The following SNX3 variants were observed in gnomAD, a reference collection of about 807,000 sequenced individuals.
SNX3 encodes the protein sorting nexin-3.
In SNX3, 5 loss-of-function variants were observed where a neutral mutation model predicts 17.7. The ratio of observed to expected loss-of-function variants is 0.28; its 90% confidence interval spans 0.15 to 0.59. The LOEUF (loss-of-function observed/expected upper bound fraction) is 0.59. SNX3 is among the 20% of genes least tolerant of loss of function. SNX3 has a pLI of 0.88. For missense variants in SNX3, 132 were observed against 206.8 expected (o/e 0.64, Z 2.22); for synonymous variants, 91 against 76.5 (o/e 1.19, Z -0.99).
Position 108,260,914 on chromosome 6 carries a change from TCCG to T in SNX3, c.5_7del (p.Ala2del). The T allele has an allele frequency of 6.3e-7, 1 of 1,589,976 alleles. No homozygotes were observed. Among genetic ancestry groups the T allele is most frequent in the Middle Eastern group, 1.7e-4 (1 of 5,988 alleles). ...CAGCCGCCGGGTGTCAGCCACGGTC[TCCG>T]CCATTTCGCTGTAGCTGCTGCCGCC... On this transcript the variant is annotated inframe_deletion, in exon 1 of 4. Coordinates refer to ENST00000230085, the MANE Select transcript of SNX3 (RefSeq NM_003795.6).
At chr6:108,231,596 T>C (rs1775160429) in intron 1 of SNX3, among the ~76,000 whole-genome samples, 2 of 152,252 alleles carry the variant, frequency 1.3e-5, no homozygotes, top group Admixed American at 6.5e-5. Context: ...TAATGTCAGT[T>C]TGTCCCATTA....
intron 2 of SNX3, 147 bp downstream of exon 2, chr6:108,222,803 T>TAC: frequency 1.5e-6 from 1 of 660,312 alleles, no homozygotes; most frequent in Middle Eastern, 4.0e-4. Flanking sequence ...ACACAGACTC[T>TAC]ACCTCTATAA....
Position 108,223,009 on chromosome 6 carries a change from C to G in SNX3, c.199G>C (p.Val67Leu). The G allele has an allele frequency of 6.2e-7, 1 of 1,607,518 alleles. No homozygotes were observed. The highest frequency in any genetic ancestry group is 8.5e-7 in the Non-Finnish European group (1 of 1,175,886). ...LPIFKLKEST[V>L]RRRYSDFEWL... ...TCAAAGTCACTGTATCTTCTTCTAA[C>G]AGTAGATTCTTTCAGCTTGAAAATA... Residue 67 changes from valine (V) to leucine (L), a missense_variant, in exon 2 of 4, where the codon GTT (valine) becomes CTT (leucine). Transcript: ENST00000230085.
intron 1 of SNX3, among the ~76,000 whole-genome samples, chr6:108,247,639 C>T (rs1252460156): frequency 7.9e-5 from 12 of 152,070 alleles, no homozygotes; most frequent in Non-Finnish European, 4.4e-5. Flanking sequence ...ACCTCTGCCT[C>T]CCAAAGGGCT....
chr6:108,244,656 T>TC (rs1356557972), intron 1 of SNX3, among the ~76,000 whole-genome samples: 1 of 144,468 alleles, frequency 6.9e-6, no homozygotes, highest in Non-Finnish European at 1.5e-5. Context: ...AGTTTTTTTT[T>TC]TTTTTTTTTT....
chr6:108,246,394 A>G (rs1259727563), intron 1 of SNX3, among the ~76,000 whole-genome samples: 1 of 131,306 alleles, frequency 7.6e-6, no homozygotes, highest in African/African-American at 2.9e-5. Flanking sequence ...GTGCAATCTC[A>G]GCTCACTGCA....
chr6:108,249,243 T>C (rs1450069032), intron 1 of SNX3, among the ~76,000 whole-genome samples: 1 of 152,092 alleles, frequency 6.6e-6, no homozygotes, highest in African/African-American at 2.4e-5. Context: ...ATGATGATAC[T>C]GTATGAGAAA....
chr6:108,245,304 G>A (rs919608560), intron 1 of SNX3, among the ~76,000 whole-genome samples: 20 of 152,104 alleles, frequency 1.3e-4, no homozygotes, highest in African/African-American at 4.3e-4. Flanking sequence ...TCTTTTTTAT[G>A]GCTGCATAGT....
At position 108,212,245 on chromosome 6, in the gene SNX3, A is replaced by G. The variant is rs768477079; in HGVS notation, c.393T>C (p.Gly131=). 1.0e-5 allele frequency: 16 copies of G among 1,605,268 alleles called. No homozygotes were observed. In the Admixed American group the frequency reaches 2.7e-4, roughly 27 times the overall value. The change falls in exon 4 of 4, where the codon GGT becomes GGC. Residue 131 remains glycine (G), a synonymous_variant. Transcript: ENST00000230085. ...AACGTTCGTTCTGTGCCAGAGGATG[A>G]CCAGCGACCCTGAGAATAAAAAATA... The part of the protein sequence containing the change: ...GLEQFINKVA[G]HPLAQNERCL...
At chr6:108,220,270 AC>A (rs1159436989) in intron 2 of SNX3, among the ~76,000 whole-genome samples, 1 of 129,576 alleles carries the variant, frequency 7.7e-6, no homozygotes, top group Non-Finnish European at 1.8e-5. Flanking sequence ...CTCGCCACAT[AC>A]TAACTGACTC....
At chr6:108,241,984 T>A in intron 1 of SNX3, among the ~76,000 whole-genome samples, 1 of 152,098 alleles carries the variant, frequency 6.6e-6, no homozygotes, top group Non-Finnish European at 1.5e-5. Flanking sequence ...ATAGAGAATC[T>A]CAACAAAAAG....
At chr6:108,241,587 C>T (rs1033478481) in intron 1 of SNX3, among the ~76,000 whole-genome samples, 3 of 151,984 alleles carry the variant, frequency 2.0e-5, no homozygotes, top group African/African-American at 7.3e-5. Context: ...GACAAACTGA[C>T]TCAGGGTGAC....
intron 1 of SNX3, among the ~76,000 whole-genome samples, chr6:108,239,129 C>T (rs1775442832): frequency 1.3e-5 from 2 of 152,236 alleles, no homozygotes; most frequent in South Asian, 4.1e-4. Context: ...TCTCGAACTC[C>T]TGACCTCAGG....
At chr6:108,236,452 C>G (rs976283609) in intron 1 of SNX3, among the ~76,000 whole-genome samples, 1 of 145,772 alleles carries the variant, frequency 6.9e-6, no homozygotes, top group South Asian at 2.1e-4. Flanking sequence ...GGCGGGATCT[C>G]GGCTCACTGC....
chr6:108,212,946 G>A (rs1052457089), intron 3 of SNX3, among the ~76,000 whole-genome samples: 1 of 145,364 alleles, frequency 6.9e-6, no homozygotes, highest in Non-Finnish European at 1.5e-5. Context: ...AGAGTGCAGT[G>A]GTGTGATCTT....
At position 108,260,953 on chromosome 6, in the gene SNX3, C is replaced by G; in HGVS notation, c.-32G>C. 6.7e-7 allele frequency: 1 copy of G among 1,487,718 alleles called. No homozygotes were observed. Among genetic ancestry groups the G allele is most frequent in the Non-Finnish European group, 8.9e-7 (1 of 1,125,652 alleles). The allele number at this position is 1,487,718 out of a possible 1,614,324, so 92.2% of individuals were successfully genotyped here. ...GTAGCTGCTGCCGCCGCCGCGGGCT[C>G]CCTCCGCCCCCTCCGCGTTCAGCCG... On this transcript the variant is annotated 5_prime_UTR_variant, in exon 1 of 4. Coordinates refer to ENST00000230085, the MANE Select transcript of SNX3 (RefSeq NM_003795.6).
intron 1 of SNX3, among the ~76,000 whole-genome samples, chr6:108,228,409 C>G (rs1335465396): frequency 6.6e-6 from 1 of 152,112 alleles, no homozygotes; most frequent in African/African-American, 2.4e-5. Flanking sequence ...ATTAGCCAGG[C>G]ATGGTGGCGG....
chr6:108,223,497 C>CTTTT lies in SNX3; in HGVS notation c.163-456_163-453dup, dbSNP rs59920022. Reference sequence around the variant, plus strand: ...ATAACAAAATAAAACTTTGCTAGTTCTTTTTTTTTTTTTTTTTTTTTTTTT... The same window carrying CTTTT: ...ATAACAAAATAAAACTTTGCTAGTTCTTTTTTTTTTTTTTTTTTTTTTTTTTTTT... On this transcript the variant is annotated intron_variant, in intron 1 of 3. Transcript: ENST00000230085. 6.4e-3 allele frequency among the ~76,000 whole-genome samples: 704 copies of CTTTT among 110,232 alleles called. 112 individuals carry two copies. The highest frequency in any genetic ancestry group is 0.026 in the African/African-American group (610 of 23,708). 72.3% of individuals were successfully genotyped at this position (110,232 alleles called of 152,430 possible).
In SNX3 at chr6:108,222,347, C is replaced by A; in HGVS notation, c.258+603G>T. On this transcript the variant is annotated intron_variant, in intron 2 of 3. Coordinates refer to ENST00000230085, the MANE Select transcript of SNX3 (RefSeq NM_003795.6). ...TGAAATGAGAGACACCAGAGTGAGA[C>A]CTTGCTTTAATTTATTTTGATGCCA... The A allele has an allele frequency of 3.1e-6, 4 of 1,302,644 alleles. No individual in the cohort carries two copies. In the South Asian group the frequency reaches 3.7e-5, roughly 12 times the overall value. The allele number at this position is 1,302,644 out of a possible 1,614,324, so 80.7% of individuals were successfully genotyped here. A position where few individuals can be genotyped will look rare whatever the true frequency, so the allele number is the denominator to read the frequency against.
Sources: allele counts gnomAD v4.1 joint callset (sites outside exome capture counted in the v4.1 genomes callset), GRCh38; gene constraint gnomAD v4.1.1; transcripts MANE v1.5; gene names NCBI Gene and HGNC (gene_info 2026-07-23, HGNC 2026-07-21).